Variants in NSD2 observed in about 807,000 individuals in gnomAD.
NSD2 encodes histone-lysine N-methyltransferase NSD2.
NSD2 carries 12 observed loss-of-function variants against 139.0 expected under a neutral mutation model. The observed-to-expected ratio is 0.09, with a 90% CI of 0.06 to 0.14. NSD2 has a LOEUF of 0.14. NSD2 is among the 10% of genes least tolerant of loss of function. The pLI, the probability that NSD2 is intolerant of heterozygous loss-of-function variation, is 1.00. For synonymous variants in NSD2, 669 were observed against 648.7 expected (o/e 1.03, Z -0.48); for missense variants, 1,155 against 1,745.0 (o/e 0.66, Z 6.02).
At position 1,918,835 on chromosome 4, in the gene NSD2, T is replaced by TC. The variant is rs1476294858; in HGVS notation, c.1410+214dup. On this transcript the variant is annotated intron_variant, in intron 5 of 21. Coordinates refer to ENST00000508803, the MANE Select transcript of NSD2 (RefSeq NM_001042424.3). Reference sequence around the variant, plus strand: ...GCACTCTGGGGTCTTAAAATATCCTTCCTAATGTGGATAAGAAGATACCGA... The same window carrying TC: ...GCACTCTGGGGTCTTAAAATATCCTTCCCTAATGTGGATAAGAAGATACCGA... The TC allele has an allele frequency of 4.8e-6, 3 of 622,056 alleles. No individual in the cohort carries two copies. The African/African-American group carries it at 5.5e-5, about 11-fold the overall frequency. The allele number at this position is 622,056 out of a possible 1,614,324, so 38.5% of individuals were successfully genotyped here.
chr4:1,926,155 T>G (rs1384350600), intron 5 of NSD2, among the ~76,000 whole-genome samples: 1 of 149,578 alleles, frequency 6.7e-6, no homozygotes, highest in African/African-American at 2.5e-5. Flanking sequence ...CCTGAATTTT[T>G]TTTTTTTTTT....
At chr4:1,933,558 T>G (rs1366447926) in intron 6 of NSD2, among the ~76,000 whole-genome samples, 1 of 149,792 alleles carries the variant, frequency 6.7e-6, no homozygotes, top group Non-Finnish European at 1.5e-5. Context: ...ACCAGCTAAT[T>G]TTTTTTTTTG....
At chr4:1,877,365 C>CA (rs2108666091) in intron 1 of NSD2, among the ~76,000 whole-genome samples, 1 of 152,280 alleles carries the variant, frequency 6.6e-6, no homozygotes, top group Admixed American at 6.5e-5. Flanking sequence ...GGGTGACTCT[C>CA]ACTGCCCATT....
intron 6 of NSD2, among the ~76,000 whole-genome samples, chr4:1,934,012 AGTT>A (rs142797858): frequency 0.032 from 4,841 of 151,986 alleles, 241 homozygotes; most frequent in African/African-American, 0.11. Flanking sequence ...AAAAGTAGCA[AGTT>A]GTTTTTTTTT....
intron 6 of NSD2, among the ~76,000 whole-genome samples, chr4:1,931,855 A>C (rs1277824511): frequency 6.6e-6 from 1 of 152,180 alleles, no homozygotes. Context: ...CAGTACACTA[A>C]ATTTAGAGAC....
chr4:1,900,250 A>G (rs1439295878), intron 1 of NSD2, among the ~76,000 whole-genome samples: 2 of 152,156 alleles, frequency 1.3e-5, no homozygotes, highest in African/African-American at 4.8e-5. Context: ...GCTGCCTCAC[A>G]CATATTAGCT....
intron 18 of NSD2, among the ~76,000 whole-genome samples, chr4:1,970,463 G>C (rs1726339256): frequency 6.6e-6 from 1 of 152,218 alleles, no homozygotes; most frequent in African/African-American, 2.4e-5. Flanking sequence ...GCCTCCAGCA[G>C]AATCAGGTGA....
At position 1,973,266 on chromosome 4, in the gene NSD2, A is replaced by T. The variant is rs1401811784; in HGVS notation, c.3373-1597A>T. Among the ~76,000 whole-genome samples the T allele has an allele frequency of 6.6e-6, 1 of 152,222 alleles. No homozygotes were observed. Among genetic ancestry groups the T allele is most frequent in the Non-Finnish European group, 1.5e-5 (1 of 68,036 alleles). On this transcript the variant is annotated intron_variant, in intron 18 of 21. Transcript: ENST00000508803. This position sits in a 1 kb window ranked among gnomAD's most constrained non-coding sequence, Gnocchi z 5.5. ...ACCCACAGATGAAAACTGGCCCGAT[A>T]AGAAGGAAGTGGCACTGGGCCCCGC...
Position 1,900,961 on chromosome 4 carries a change from C to G in NSD2, c.307C>G (p.Gln103Glu), listed in dbSNP as rs749825396. Residue 103 changes from glutamine (Q) to glutamate (E), a missense_variant, in exon 2 of 22, where the codon CAG becomes GAG. Gln to Glu is a conservative substitution (Grantham distance 29). Around this residue, in one of 8 missense-constraint regions of NSD2, gnomAD observed 246 missense variants for 262.8 expected, o/e 0.94. Transcript: ENST00000508803. ...CGATGCCAAACTGCGTTTTGAGTCC[C>G]AGGAAATGAAAGGGATTGGGACACC... is the stretch of plus-strand genomic sequence containing the variant. ...AHDAKLRFES[Q>E]EMKGIGTPPN... 6 of 1,614,060 alleles carry G rather than the reference C, an allele frequency of 3.7e-6. No homozygotes were observed. The highest frequency in any genetic ancestry group is 4.2e-6 in the Non-Finnish European group (5 of 1,180,048).
chr4:1,903,124 A>C (rs1160190616), intron 2 of NSD2, among the ~76,000 whole-genome samples: 1 of 152,240 alleles, frequency 6.6e-6, no homozygotes, highest in African/African-American at 2.4e-5. Context: ...AGCTCATGCC[A>C]GGCTTCACCA....
At chr4:1,949,084 C>T (rs1461555242) in intron 9 of NSD2, among the ~76,000 whole-genome samples, 1 of 152,226 alleles carries the variant, frequency 6.6e-6, no homozygotes, top group Non-Finnish European at 1.5e-5. Flanking sequence ...CCCTGTGCTC[C>T]CCTGGCTCCC....
intron 9 of NSD2, chr4:1,940,215 C>CCT: frequency 9.3e-7 from 1 of 1,079,108 alleles, no homozygotes; most frequent in Non-Finnish European, 1.1e-6. Context: ...CCTGTTGCTT[C>CCT]CAGACCTAGG....
intron 18 of NSD2, among the ~76,000 whole-genome samples, chr4:1,970,617 C>T (rs768581055): frequency 3.3e-5 from 5 of 152,074 alleles, no homozygotes; most frequent in Admixed American, 2.0e-4. Flanking sequence ...CCAACACCGG[C>T]GAGCCAGAGC....
At chr4:1,889,934 C>T (rs1490994995) in intron 1 of NSD2, among the ~76,000 whole-genome samples, 2 of 152,042 alleles carry the variant, frequency 1.3e-5, no homozygotes, top group Non-Finnish European at 2.9e-5. Flanking sequence ...TACCTAATTC[C>T]TAAACATTTC....
In NSD2 at chr4:1,942,393, T is replaced by C; in HGVS notation, c.1881+2615T>C. 6.2e-7 allele frequency: 1 copy of C among 1,612,630 alleles called. No homozygotes were observed. The highest frequency in any genetic ancestry group is 1.3e-5 in the African/African-American group (1 of 75,052). ...GGATTTGAACCCAGCTGCTCTGTAC[T>C]GCACTTAGAATGATGTAATATTCCA... On this transcript the variant is annotated intron_variant, in intron 9 of 21. Coordinates refer to ENST00000508803, the MANE Select transcript of NSD2 (RefSeq NM_001042424.3). This position sits in a 1 kb window ranked among gnomAD's most constrained non-coding sequence, Gnocchi z 4.0.
At chr4:1,924,400 C>T (rs1030812300) in intron 5 of NSD2, among the ~76,000 whole-genome samples, 9 of 151,860 alleles carry the variant, frequency 5.9e-5, no homozygotes, top group Non-Finnish European at 1.2e-4. Context: ...GTATGTTGCT[C>T]GGCTGTGTCT....
chr4:1,970,323 A>C (rs1333350342), intron 18 of NSD2, among the ~76,000 whole-genome samples: 1 of 152,374 alleles, frequency 6.6e-6, no homozygotes, highest in Non-Finnish European at 1.5e-5. Flanking sequence ...TGGGCTCCTC[A>C]GAACGAGCCA....
chr4:1,927,327 AGGAGGCAGGGCTCACAGAGGGGTTG>A (rs1225267406), intron 5 of NSD2, among the ~76,000 whole-genome samples: 1 of 152,160 alleles, frequency 6.6e-6, no homozygotes, highest in Non-Finnish European at 1.5e-5. Context: ...CTTGAGCTCT[AGGAGGCAGGGCTCACAGAGGGGTTG>A]GGGGTCGTCT....
At chr4:1,883,076 G>A (rs1714820762) in intron 1 of NSD2, among the ~76,000 whole-genome samples, 1 of 152,136 alleles carries the variant, frequency 6.6e-6, no homozygotes, top group African/African-American at 2.4e-5. Flanking sequence ...GATAAGTTGT[G>A]TTGTTTGGGA....
Sources: allele counts gnomAD v4.1 joint callset (sites outside exome capture counted in the v4.1 genomes callset), GRCh38; gene constraint gnomAD v4.1.1; regional missense constraint gnomAD v4.1.1; non-coding constraint Gnocchi (gnomAD v3.1); transcripts MANE v1.5; gene names NCBI Gene and HGNC (gene_info 2026-07-23, HGNC 2026-07-21).